Variants in SNAP25 observed in about 807,000 individuals in gnomAD.
SNAP25 encodes synaptosome associated protein 25.
SNAP25 carries 3 observed loss-of-function variants against 28.7 expected under a neutral mutation model. The ratio of observed to expected loss-of-function variants is 0.10; its 90% CI spans 0.05 to 0.27. The LOEUF (loss-of-function observed/expected upper bound fraction) is 0.27. Ranked by LOEUF, SNAP25 falls within the 10% of genes least tolerant of loss-of-function variation. The pLI, the probability that SNAP25 is intolerant of heterozygous loss-of-function variation, is 1.00. For missense variants in SNAP25, 117 were observed against 278.7 expected, an observed-to-expected ratio of 0.42 and a Z score of 4.13; for synonymous variants, 61 against 88.1, an observed-to-expected ratio of 0.69 and a Z score of 1.72.
chr20:10,296,594 T>C, intron 5 of SNAP25: 1 of 280,852 alleles, frequency 3.6e-6, no homozygotes, highest in South Asian at 4.1e-5. Context: ...CCAAATATAA[T>C]CACATCACTA....
chr20:10,266,295 G>A (rs1485602247), intron 1 of SNAP25, among the ~76,000 whole-genome samples: 1 of 152,182 alleles, frequency 6.6e-6, no homozygotes, highest in African/African-American at 2.4e-5. Flanking sequence ...TAAGTGCTTT[G>A]CATCTTACGG....
intron 4 of SNAP25, among the ~76,000 whole-genome samples, chr20:10,287,740 C>A (rs953389399): frequency 4.0e-5 from 6 of 151,322 alleles, no homozygotes; most frequent in African/African-American, 1.2e-4. Flanking sequence ...TTCACAATAG[C>A]AAAGACTTGG....
chr20:10,270,029 G>A (rs1020251345), intron 1 of SNAP25, among the ~76,000 whole-genome samples: 32 of 152,098 alleles, frequency 2.1e-4, no homozygotes, highest in Admixed American at 1.1e-3. Context: ...CGAGGCGGGC[G>A]GATCACCTGA....
intron 1 of SNAP25, among the ~76,000 whole-genome samples, chr20:10,233,012 G>A (rs1387380542): frequency 6.6e-6 from 1 of 152,064 alleles, no homozygotes; most frequent in African/African-American, 2.4e-5. Flanking sequence ...TTTCTCATTT[G>A]TCTCCCCAAT....
chr20:10,242,254 C>T (rs531925100), intron 1 of SNAP25, among the ~76,000 whole-genome samples: 2 of 152,304 alleles, frequency 1.3e-5, no homozygotes, highest in African/African-American at 4.8e-5. Flanking sequence ...GATGTGGTTG[C>T]AGCTGGAGAC....
intron 1 of SNAP25, among the ~76,000 whole-genome samples, chr20:10,221,824 T>C (rs1179620806): frequency 1.3e-5 from 2 of 152,256 alleles, no homozygotes; most frequent in African/African-American, 4.8e-5. Flanking sequence ...AGAAGCTGCG[T>C]AAGCAGTCAG....
At chr20:10,226,268 C>T (rs1357507845) in intron 1 of SNAP25, among the ~76,000 whole-genome samples, 1 of 152,132 alleles carries the variant, frequency 6.6e-6, no homozygotes, top group Admixed American at 6.5e-5. Flanking sequence ...TATTTCAATA[C>T]GCATTAGCCT....
At chr20:10,299,477 T>C (rs2064185659) in intron 7 of SNAP25, 65 bp downstream of exon 7, 1 of 1,525,224 alleles carries the variant, frequency 6.6e-7, no homozygotes, top group Non-Finnish European at 8.9e-7. Flanking sequence ...ACAGGAAGTG[T>C]GAAGGGCATA....
intron 7 of SNAP25, among the ~76,000 whole-genome samples, chr20:10,299,702 C>T (rs1190814486): frequency 6.6e-6 from 1 of 152,230 alleles, no homozygotes; most frequent in East Asian, 1.9e-4. Context: ...ACCACCCCTA[C>T]TGCCAAGAAA....
chr20:10,223,827 A>G (rs1335627028), intron 1 of SNAP25, among the ~76,000 whole-genome samples: 1 of 152,206 alleles, frequency 6.6e-6, no homozygotes, highest in Non-Finnish European at 1.5e-5. Context: ...ACTTCACCCA[A>G]TATGAAAGTC....
At chr20:10,275,703 C>T in intron 2 of SNAP25, 140 bp downstream of exon 2, 4 of 595,694 alleles carry the variant, frequency 6.7e-6, no homozygotes, top group South Asian at 3.0e-5. Context: ...ATTTTCTGTA[C>T]ACCTAAGGCT....
At chr20:10,298,828 AATTT>A (rs897588272) in intron 6 of SNAP25, among the ~76,000 whole-genome samples, 36 of 152,284 alleles carry the variant, frequency 2.4e-4, no homozygotes, top group Non-Finnish European at 4.9e-4. Context: ...TTGTATTCTT[AATTT>A]GAGTCTTAGA....
At chr20:10,232,273 C>A (rs1033548036) in intron 1 of SNAP25, among the ~76,000 whole-genome samples, 1 of 152,198 alleles carries the variant, frequency 6.6e-6, no homozygotes, top group Non-Finnish European at 1.5e-5. Flanking sequence ...TTCAAAAATA[C>A]CAAGGAAGAT....
At chr20:10,269,425 C>T (rs889963441) in intron 1 of SNAP25, among the ~76,000 whole-genome samples, 1 of 152,094 alleles carries the variant, frequency 6.6e-6, no homozygotes, top group Non-Finnish European at 1.5e-5. Context: ...TAAAAATAAA[C>T]TATGTTCCAG....
chr20:10,223,245 C>T (rs777452271), intron 1 of SNAP25, among the ~76,000 whole-genome samples: 6 of 152,144 alleles, frequency 3.9e-5, no homozygotes, highest in Non-Finnish European at 7.4e-5. Context: ...AGGGCTACCT[C>T]GAGGTCTGGA....
rs778813453 is a variant in SNAP25 at position 10,275,573 on chromosome 20, G to A, written c.72+10G>A. On this transcript the variant is annotated intron_variant, in intron 2 of 7. Transcript: ENST00000254976. Reference sequence around the variant, plus strand: ...CCAGTTGGCTGATGAGGTAAGGAGTGGAGACCTAGGAAGGGAGGCAAAAGA... The same window carrying A: ...CCAGTTGGCTGATGAGGTAAGGAGTAGAGACCTAGGAAGGGAGGCAAAAGA... 21 of 1,585,504 alleles carry A rather than the reference G, an allele frequency of 1.3e-5. No individual in the cohort carries two copies. Among genetic ancestry groups the A allele is most frequent in the Non-Finnish European group, 1.5e-5 (17 of 1,163,658 alleles).
At chr20:10,219,956 G>A (rs1427167877) in intron 1 of SNAP25, among the ~76,000 whole-genome samples, 1 of 152,180 alleles carries the variant, frequency 6.6e-6, no homozygotes, top group Admixed American at 6.5e-5. Flanking sequence ...GTTGCCCTCT[G>A]ACCCTTATTT....
chr20:10,306,268 T>G lies in SNAP25; in HGVS notation c.*71T>G. ...CTCCTTCATGCTTTTCTCATGGTAT[T>G]ATCTAGTAGGTCTGCACACATAACA... On this transcript the variant is annotated 3_prime_UTR_variant, in exon 8 of 8. Transcript: ENST00000254976. 7.0e-7 allele frequency: 1 copy of G among 1,427,222 alleles called. No homozygotes were observed. Among genetic ancestry groups the G allele is most frequent in the Non-Finnish European group, 9.9e-7 (1 of 1,013,962 alleles). 88.4% of individuals were successfully genotyped at this position (1,427,222 alleles called of 1,614,324 possible).
chr20:10,301,113 A>T (rs563754020), intron 7 of SNAP25, among the ~76,000 whole-genome samples: 2 of 152,346 alleles, frequency 1.3e-5, no homozygotes, highest in African/African-American at 4.8e-5. Context: ...TCAAACTCTT[A>T]TTGACAGAGT....
Sources: allele counts gnomAD v4.1 joint callset (sites outside exome capture counted in the v4.1 genomes callset), GRCh38; gene constraint gnomAD v4.1.1; transcripts MANE v1.5; gene names NCBI Gene and HGNC (gene_info 2026-07-23, HGNC 2026-07-21).